PTGES2: variants seen among roughly 807,000 people sequenced by gnomAD.
The protein encoded by PTGES2 is GATE-binding factor 1.
A neutral mutation model predicts 44.5 loss-of-function variants in PTGES2; 35 were observed. The ratio of observed to expected loss-of-function variants is 0.79; its 90% CI spans 0.60 to 1.04. The LOEUF (loss-of-function observed/expected upper bound fraction) is 1.04. Among genes scored for constraint, PTGES2 ranks in the 50% least tolerant of loss-of-function variants. PTGES2 has a pLI of 0.00. For synonymous variants in PTGES2, 221 were observed against 227.5 expected, an observed-to-expected ratio of 0.97 and a Z score of 0.26; for missense variants, 517 against 521.4, an observed-to-expected ratio of 0.99 and a Z score of 0.08.
chr9:128,125,190 C>T, intron 2 of PTGES2, 54 bp downstream of exon 2: 2 of 1,509,054 alleles, frequency 1.3e-6, no homozygotes, highest in Non-Finnish European at 1.8e-6. Flanking sequence ...CTAGGGGGCG[C>T]TCCAGGACAA....
chr9:128,123,602 C>T lies in PTGES2; in HGVS notation c.686+100G>A, dbSNP rs1834505903. On this transcript the variant is annotated intron_variant, in intron 4 of 6. Coordinates refer to ENST00000338961, the MANE Select transcript of PTGES2 (RefSeq NM_025072.7). The surrounding 1 kb of genome is among the most constrained non-coding windows in gnomAD (Gnocchi z 4.4). ...CCCGGCCCCAGCCCCGCTGGTCTCCCATGCTGCTCCCTGCTCACGCCATCT... is the reference window on the plus strand; with the variant it reads ...CCCGGCCCCAGCCCCGCTGGTCTCCTATGCTGCTCCCTGCTCACGCCATCT... The T allele has an allele frequency of 7.7e-7, 1 of 1,294,498 alleles. No individual in the cohort carries two copies. Among genetic ancestry groups the T allele is most frequent in the Admixed American group, 2.0e-5 (1 of 49,184 alleles). 80.2% of individuals were successfully genotyped at this position (1,294,498 alleles called of 1,614,324 possible). A position where few individuals can be genotyped will look rare whatever the true frequency, so the allele number is the denominator to read the frequency against.
intron 6 of PTGES2, 72 bp from the exon 7 acceptor site, chr9:128,121,345 G>T (rs988572103): frequency 6.7e-5 from 103 of 1,544,620 alleles, no homozygotes; most frequent in Non-Finnish European, 9.0e-5. Context: ...TTCCCTGCCA[G>T]CTGTGTGGCC....
chr9:128,125,572 G>C, intron 1 of PTGES2, 131 bp from the exon 2 acceptor site: 1 of 819,406 alleles, frequency 1.2e-6, no homozygotes, highest in Non-Finnish European at 1.9e-6. Flanking sequence ...AGAGATGGAA[G>C]GGGGCGGTAG....
chr9:128,121,710 C>T (rs150258018), intron 6 of PTGES2, among the ~76,000 whole-genome samples: 3,218 of 152,234 alleles, frequency 0.021, 119 homozygotes, highest in African/African-American at 0.072. Flanking sequence ...GTCAGGAGTT[C>T]GAGACCAGCC....
In PTGES2 at chr9:128,125,320, G is replaced by C. The variant is rs753484040; in HGVS notation, c.401C>G (p.Pro134Arg). 16 of 1,614,062 alleles carry C rather than the reference G, an allele frequency of 9.9e-6. 1 individual carries two copies. The Admixed American group carries it at 2.5e-4, about 25-fold the overall frequency. ...ALPYQVVEVN[P>R]VRRAEIKFSS... ...GAACTTGATCTCAGCCCTGCGCACAGGGTTCACCTCCACCACCTGGTAGGG... is the reference window on the plus strand; with the variant it reads ...GAACTTGATCTCAGCCCTGCGCACACGGTTCACCTCCACCACCTGGTAGGG... The change falls in exon 2 of 7, where the codon CCT becomes CGT. Residue 134 changes from proline to arginine, a missense_variant. Pro to Arg is a moderately radical substitution (Grantham distance 103, BLOSUM62 -2). Transcript: ENST00000338961.
intron 6 of PTGES2, 65 bp downstream of exon 6, chr9:128,122,297 C>T: frequency 7.5e-7 from 1 of 1,328,686 alleles, no homozygotes; most frequent in Non-Finnish European, 1.1e-6. Flanking sequence ...CTTTCCCTTG[C>T]AAACCTCCCC....
chr9:128,127,585 G>A lies in PTGES2; in HGVS notation c.133C>T (p.Pro45Ser). Residue 45 changes from proline (P) to serine (S), a missense_variant, in exon 1 of 7, where the codon CCG (proline) becomes TCG (serine). Physicochemically the swap from Pro to Ser is moderately conservative, Grantham distance 74. Coordinates refer to ENST00000338961, the MANE Select transcript of PTGES2 (RefSeq NM_025072.7). ...RAGFAGAAGG[P>S]SPVAAARKGS... is the part of the protein sequence containing the mutation. ...TTACGAGCTGCAGCCACGGGGCTCG[G>A]GCCGCCCGCCGCCCCCGCGAAGCCA... The A allele has an allele frequency of 7.8e-7, 1 of 1,276,038 alleles. No individual in the cohort carries two copies. The highest frequency in any genetic ancestry group is 9.9e-7 in the Non-Finnish European group (1 of 1,012,510). The allele number at this position is 1,276,038 out of a possible 1,614,324, so 79.0% of individuals were successfully genotyped here.
rs1438034723 is a variant in PTGES2 at position 128,120,932 on chromosome 9, G to A, written c.*213C>T. On this transcript the variant is annotated 3_prime_UTR_variant, in exon 7 of 7. Coordinates refer to ENST00000338961, the MANE Select transcript of PTGES2 (RefSeq NM_025072.7). The stretch of plus-strand genomic sequence containing the variant: ...AGGGAGGCAGGGACAGGGAGGGGTC[G>A]CCCCAGGGCAGTGGCAGGGCTGGAA... 2.5e-5 allele frequency: 15 copies of A among 590,422 alleles called. No homozygotes were observed. The highest frequency in any genetic ancestry group is 4.6e-5 in the South Asian group (2 of 43,820). 36.6% of individuals were successfully genotyped at this position (590,422 alleles called of 1,614,324 possible).
Position 128,125,276 on chromosome 9 carries a change from G to A in PTGES2, c.445C>T (p.Pro149Ser), listed in dbSNP as rs775999046. The change falls in exon 2 of 7, where the codon CCC (proline) becomes TCC (serine). Residue 149 changes from proline (P) to serine (S), a missense_variant. Coordinates refer to ENST00000338961, the MANE Select transcript of PTGES2 (RefSeq NM_025072.7). ...TCTCCTTCCTGGGCCACCAGGATGG[G>A]CACCTTTCTGTAGGAGGAGAACTTG... Reference protein sequence around the residue: ...EIKFSSYRKVPILVAQEGESS... With the variant: ...EIKFSSYRKVSILVAQEGESS... 1.2e-6 allele frequency: 2 copies of A among 1,606,254 alleles called. No individual in the cohort carries two copies. The highest frequency in any genetic ancestry group is 1.7e-6 in the Non-Finnish European group (2 of 1,176,286).
Position 128,123,864 on chromosome 9 carries a change from C to G in PTGES2, c.537-13G>C. 2.5e-6 allele frequency: 4 copies of G among 1,610,676 alleles called. No individual in the cohort carries two copies. The South Asian group carries it at 3.3e-5, about 13-fold the overall frequency. On this transcript the variant is annotated splice_polypyrimidine_tract_variant and intron_variant, in intron 3 of 6. Transcript: ENST00000338961. The surrounding 1 kb of genome is among the most constrained non-coding windows in gnomAD (Gnocchi z 4.4). ...TTCCAGGGGCTGCCTTCGGAGAGAG[C>G]CACAATATCACCCCAACTCCTTCCC...
In PTGES2 at chr9:128,123,053, C is replaced by T. The variant is rs200694070; in HGVS notation, c.768G>A (p.Glu256=). The T allele has an allele frequency of 6.8e-6, 11 of 1,613,598 alleles. No homozygotes were observed. In the Admixed American group the frequency reaches 1.7e-4, roughly 24 times the overall value. ...ISPNVYRTPT[E]ALASFDYIVR... Reference sequence around the variant, plus strand: ...CAATGTAGTCAAAGGACGCCAGAGCCTCGGTGGGCGTGCGGTACACATTGG... The same window carrying T: ...CAATGTAGTCAAAGGACGCCAGAGCTTCGGTGGGCGTGCGGTACACATTGG... Residue 256 remains glutamate, a synonymous_variant, in exon 5 of 7, where the codon GAG becomes GAA. Transcript: ENST00000338961. This position sits in a 1 kb window ranked among gnomAD's most constrained non-coding sequence, Gnocchi z 4.4.
chr9:128,128,015 T>C (rs1834710353), upstream of PTGES2: 1 of 402,526 alleles, frequency 2.5e-6, no homozygotes, highest in East Asian at 4.8e-5. Flanking sequence ...CGCCCCACCT[T>C]GACCGCCTAA....
chr9:128,124,584 G>T, intron 2 of PTGES2, 34 bp from the exon 3 acceptor site: 1 of 1,603,180 alleles, frequency 6.2e-7, no homozygotes, highest in Non-Finnish European at 8.5e-7. Flanking sequence ...ATCAGAGGTT[G>T]CAACCCAGCC....
At chr9:128,122,762 G>T in intron 5 of PTGES2, 172 bp downstream of exon 5, 1 of 709,234 alleles carries the variant, frequency 1.4e-6, no homozygotes, top group Non-Finnish European at 2.3e-6. Context: ...GTGAGCAGGA[G>T]CTCTGGGTCC....
chr9:128,122,877 T>C lies in PTGES2; in HGVS notation c.887+57A>G. 3 of 1,581,186 alleles carry C rather than the reference T, an allele frequency of 1.9e-6. No individual in the cohort carries two copies. In the South Asian group the frequency reaches 3.3e-5, roughly 18 times the overall value. On this transcript the variant is annotated intron_variant, in intron 5 of 6. Transcript: ENST00000338961. The stretch of plus-strand genomic sequence containing the variant: ...CTGAGGGGTGTGATGGGATCACCAC[T>C]GCTCGTGGCACCGGAGGCTCGGGGA...
At chr9:128,121,526 G>A (rs973022393) in intron 6 of PTGES2, among the ~76,000 whole-genome samples, 1 of 152,102 alleles carries the variant, frequency 6.6e-6, no homozygotes, top group Non-Finnish European at 1.5e-5. Flanking sequence ...TGGGATAAAT[G>A]CCCTCCCCTC....
rs752028817 is a variant in PTGES2 at position 128,123,682 on chromosome 9, C to T, written c.686+20G>A. 2.5e-6 allele frequency: 4 copies of T among 1,606,670 alleles called. No individual in the cohort carries two copies. The highest frequency in any genetic ancestry group is 3.4e-6 in the Non-Finnish European group (4 of 1,175,358). ...CCCCTGCGGTCACCACCTTCCCCCG[C>T]CAGCCCCAGCCCCACTCACGTCCTG... On this transcript the variant is annotated intron_variant, in intron 4 of 6. Transcript: ENST00000338961. The surrounding 1 kb of genome is among the most constrained non-coding windows in gnomAD (Gnocchi z 4.4).
At position 128,123,670 on chromosome 9, in the gene PTGES2, C is replaced by T. The variant is rs752992578; in HGVS notation, c.686+32G>A. On this transcript the variant is annotated intron_variant, in intron 4 of 6. Coordinates refer to ENST00000338961, the MANE Select transcript of PTGES2 (RefSeq NM_025072.7). This position sits in a 1 kb window ranked among gnomAD's most constrained non-coding sequence, Gnocchi z 4.4. ...CTCTACAGAAGACCCCTGCGGTCAC[C>T]ACCTTCCCCCGCCAGCCCCAGCCCC... 1.3e-5 allele frequency: 21 copies of T among 1,603,190 alleles called. No individual in the cohort carries two copies. Among genetic ancestry groups the T allele is most frequent in the Non-Finnish European group, 8.5e-6 (10 of 1,173,460 alleles).
chr9:128,123,621 G>C lies in PTGES2; in HGVS notation c.686+81C>G. The C allele has an allele frequency of 7.0e-7, 1 of 1,435,846 alleles. No individual in the cohort carries two copies. Among genetic ancestry groups the C allele is most frequent in the South Asian group, 1.3e-5 (1 of 79,052 alleles). The allele number at this position is 1,435,846 out of a possible 1,614,324, so 88.9% of individuals were successfully genotyped here. On this transcript the variant is annotated intron_variant, in intron 4 of 6. Coordinates refer to ENST00000338961, the MANE Select transcript of PTGES2 (RefSeq NM_025072.7). The surrounding 1 kb of genome is among the most constrained non-coding windows in gnomAD (Gnocchi z 4.4). ...GTCTCCCATGCTGCTCCCTGCTCAC[G>C]CCATCTTGCTCAGCTTGGTCCTACT... is the stretch of plus-strand genomic sequence containing the variant.
Sources: allele counts gnomAD v4.1 joint callset (sites outside exome capture counted in the v4.1 genomes callset), GRCh38; gene constraint gnomAD v4.1.1; non-coding constraint Gnocchi (gnomAD v3.1); transcripts MANE v1.5; gene names NCBI Gene and HGNC (gene_info 2026-07-23, HGNC 2026-07-21).